RNF170: variants seen among roughly 807,000 people sequenced by gnomAD.
RNF170 encodes ring finger protein 170, also known as E3 ubiquitin-protein ligase RNF170.
In RNF170, 12 loss-of-function variants were observed where a neutral mutation model predicts 32.7. That is an observed-to-expected ratio of 0.37 (90% CI 0.24 to 0.60). The LOEUF is 0.60. Ranked by LOEUF, RNF170 falls within the 20% of genes least tolerant of loss-of-function variation. The pLI is 0.72. For missense variants in RNF170, 212 were observed against 311.2 expected, an observed-to-expected ratio of 0.68 and a Z score of 2.40; for synonymous variants, 91 against 103.6, an observed-to-expected ratio of 0.88 and a Z score of 0.74.
upstream of RNF170, chr8:42,896,923 G>C: frequency 1.1e-5 from 4 of 373,626 alleles, no homozygotes; most frequent in Non-Finnish European, 1.4e-5. Context: ...GTCGCGCGCG[G>C]CTGGCGCGCG....
intron 4 of RNF170, among the ~76,000 whole-genome samples, chr8:42,868,851 CAAA>C (rs56822241): frequency 4.1e-5 from 3 of 73,730 alleles, no homozygotes; most frequent in Admixed American, 1.5e-4. Context: ...GACTGCATTT[CAAA>C]AAAAAAAAAA....
At chr8:42,896,309 G>A (rs1198249513) in intron 1 of RNF170, 175 bp downstream of exon 1, 5 of 366,090 alleles carry the variant, frequency 1.4e-5, no homozygotes, top group Admixed American at 3.6e-5. Flanking sequence ...CCGGACAGCC[G>A]CGGGGCGATT....
At chr8:42,859,651 C>T (rs1328017141) in intron 6 of RNF170, among the ~76,000 whole-genome samples, 1 of 151,816 alleles carries the variant, frequency 6.6e-6, no homozygotes, top group Non-Finnish European at 1.5e-5. Flanking sequence ...ACAGCCAAGA[C>T]ATTTTTGTTC....
chr8:42,865,638 G>A, intron 4 of RNF170, 149 bp from the exon 5 acceptor site: 1 of 701,726 alleles, frequency 1.4e-6, no homozygotes, highest in Non-Finnish European at 2.5e-6. Context: ...AACCCTTCAG[G>A]CAAATTCAAA....
intron 2 of RNF170, among the ~76,000 whole-genome samples, chr8:42,885,871 A>G (rs1805775273): frequency 6.6e-6 from 1 of 152,062 alleles, no homozygotes; most frequent in Admixed American, 6.6e-5. Context: ...TGATCTTGCC[A>G]TCTCAGCCTC....
intron 3 of RNF170, among the ~76,000 whole-genome samples, chr8:42,871,553 G>A (rs1292782206): frequency 6.6e-6 from 1 of 151,732 alleles, no homozygotes; most frequent in Non-Finnish European, 1.5e-5. Flanking sequence ...AAAGTGTACA[G>A]CACTTTATGT....
At chr8:42,858,635 C>T (rs1364628719) in intron 6 of RNF170, among the ~76,000 whole-genome samples, 1 of 152,224 alleles carries the variant, frequency 6.6e-6, no homozygotes, top group Non-Finnish European at 1.5e-5. Context: ...GGGAAAACTT[C>T]TCCAAGGAGG....
chr8:42,897,068 C>A (rs1004791376), upstream of RNF170: 1 of 1,190,564 alleles, frequency 8.4e-7, no homozygotes, highest in South Asian at 4.2e-5. Context: ...GCCCCCGGAT[C>A]CCCCGACAGA....
At chr8:42,888,618 C>A (rs1380364803) in intron 1 of RNF170, among the ~76,000 whole-genome samples, 2 of 151,670 alleles carry the variant, frequency 1.3e-5, no homozygotes, top group Non-Finnish European at 2.9e-5. Flanking sequence ...CAAAATTTAG[C>A]CGGGTGACGT....
At chr8:42,870,677 C>T (rs957412659) in intron 3 of RNF170, among the ~76,000 whole-genome samples, 13 of 152,010 alleles carry the variant, frequency 8.6e-5, no homozygotes, top group Non-Finnish European at 1.6e-4. Context: ...TGGAGTGAGC[C>T]GTGACTGCAC....
At chr8:42,872,327 T>G (rs1281836482) in intron 3 of RNF170, among the ~76,000 whole-genome samples, 1 of 152,188 alleles carries the variant, frequency 6.6e-6, no homozygotes, top group Admixed American at 6.5e-5. Flanking sequence ...CTTACTTATG[T>G]CTAAAGATTA....
chr8:42,884,939 T>C (rs76432832), intron 2 of RNF170, among the ~76,000 whole-genome samples: 1 of 33,504 alleles, frequency 3.0e-5, no homozygotes, highest in African/African-American at 1.1e-4. Flanking sequence ...TGACCTCAGA[T>C]GATCCGCCTG....
chr8:42,889,520 A>G (rs1806120203), intron 1 of RNF170: 1 of 152,190 alleles, frequency 6.6e-6, no homozygotes, highest in South Asian at 2.1e-4. Flanking sequence ...TTTATTCAAT[A>G]TCATCACTAA....
In RNF170 at chr8:42,865,438, C is replaced by A. The variant is rs144435181; in HGVS notation, c.374G>T (p.Ser125Ile). 1 of 1,613,426 alleles carries A rather than the reference C, an allele frequency of 6.2e-7. No homozygotes were observed. The highest frequency in any genetic ancestry group is 8.5e-7 in the Non-Finnish European group (1 of 1,179,640). Residue 125 changes from serine to isoleucine, a missense_variant, in exon 5 of 7, where the codon AGT (serine) becomes ATT (isoleucine). Transcript: ENST00000527424. The part of the protein sequence containing the change: ...WRYGSWLGAI[S>I]CPICRQTVTL... ...TACCGTTTGTCTACAGATTGGACAA[C>A]TGATTGCCCCAAGCCATGAACCATA...
Position 42,878,518 on chromosome 8 carries a change from C to T in RNF170, c.138-4512G>A, listed in dbSNP as rs370310188. 1.4e-3 allele frequency among the ~76,000 whole-genome samples: 214 copies of T among 152,292 alleles called. 1 individual carries two copies. The highest frequency in any genetic ancestry group is 1.8e-3 in the Non-Finnish European group (120 of 68,028). Reference sequence around the variant, plus strand: ...AAGCCTAATTCAGAGCAAGTCCCTCCCTCTCTTCAATTTTGTGAAGCTGAG... The same window carrying T: ...AAGCCTAATTCAGAGCAAGTCCCTCTCTCTCTTCAATTTTGTGAAGCTGAG... On this transcript the variant is annotated intron_variant, in intron 2 of 6. Coordinates refer to ENST00000527424, the MANE Select transcript of RNF170 (RefSeq NM_030954.4).
intron 2 of RNF170, among the ~76,000 whole-genome samples, chr8:42,882,209 C>A (rs915176518): frequency 6.6e-6 from 1 of 152,132 alleles, no homozygotes; most frequent in African/African-American, 2.4e-5. Context: ...AAATGTTAAA[C>A]ATAGAAATTA....
chr8:42,896,907 T>C, upstream of RNF170: 1 of 346,474 alleles, frequency 2.9e-6, no homozygotes, highest in Non-Finnish European at 5.2e-6. Context: ...GGCGGGCGTG[T>C]CCGAAGTCGC....
downstream of RNF170, chr8:42,851,081 T>C (rs1215985459): frequency 5.3e-6 from 8 of 1,521,374 alleles, no homozygotes; most frequent in Admixed American, 1.6e-4. Context: ...ATCAACAGCC[T>C]TCCTGCTTCT....
intron 4 of RNF170, among the ~76,000 whole-genome samples, chr8:42,869,375 G>A (rs1010227343): frequency 2.0e-4 from 31 of 152,140 alleles, no homozygotes; most frequent in Middle Eastern, 3.2e-3. Context: ...GCAGATTCAG[G>A]AAAAATAAGT....
Sources: allele counts gnomAD v4.1 joint callset (sites outside exome capture counted in the v4.1 genomes callset), GRCh38; gene constraint gnomAD v4.1.1; transcripts MANE v1.5; gene names NCBI Gene and HGNC (gene_info 2026-07-23, HGNC 2026-07-21).